Variants in SIK3 observed in about 807,000 individuals in gnomAD.
The protein encoded by SIK3 is SIK family kinase 3.
A neutral mutation model predicts 144.2 loss-of-function variants in SIK3; 28 were observed. The ratio of observed to expected loss-of-function variants is 0.19; its 90% confidence interval spans 0.14 to 0.27. The LOEUF (loss-of-function observed/expected upper bound fraction) is 0.27, where lower values mean the gene tolerates loss of function less well. Among genes scored for constraint, SIK3 ranks in the 10% least tolerant of loss-of-function variants. The pLI, the probability that SIK3 is intolerant of heterozygous loss-of-function variation, is 1.00. For missense variants in SIK3, 1,319 were observed against 1,776.0 expected (o/e 0.74, Z 4.62); for synonymous variants, 686 against 676.3 (o/e 1.01, Z -0.22).
At chr11:116,971,267 G>T (rs559165592) in intron 1 of SIK3, among the ~76,000 whole-genome samples, 4 of 152,248 alleles carry the variant, frequency 2.6e-5, no homozygotes, top group African/African-American at 7.2e-5. Context: ...GCAACAAGTA[G>T]GTCAAATTAA....
chr11:116,896,830 A>C (rs1945427779), intron 5 of SIK3, among the ~76,000 whole-genome samples: 1 of 152,156 alleles, frequency 6.6e-6, no homozygotes, highest in Admixed American at 6.5e-5. Context: ...GTTTGAGACC[A>C]GCCTGGCCAA....
At chr11:116,914,131 C>G (rs953778064) in intron 4 of SIK3, among the ~76,000 whole-genome samples, 7 of 150,480 alleles carry the variant, frequency 4.7e-5, no homozygotes, top group African/African-American at 1.7e-4. Context: ...CAAATGAGAG[C>G]AGACATCTGA....
chr11:117,028,636 GA>G (rs138648897), intron 1 of SIK3, among the ~76,000 whole-genome samples: 3 of 146,154 alleles, frequency 2.1e-5, no homozygotes, highest in South Asian at 2.2e-4. Flanking sequence ...GCATGTCAAG[GA>G]AAAAAAAAAC....
chr11:117,053,017 CCA>C (rs1477523965), intron 1 of SIK3, among the ~76,000 whole-genome samples: 1 of 152,104 alleles, frequency 6.6e-6, no homozygotes, highest in East Asian at 1.9e-4. Flanking sequence ...TTCAAAAAAG[CCA>C]CAGTCTATTG....
At chr11:117,003,436 T>C (rs986310464) in intron 1 of SIK3, among the ~76,000 whole-genome samples, 4 of 151,938 alleles carry the variant, frequency 2.6e-5, no homozygotes, top group African/African-American at 9.7e-5. Flanking sequence ...ATGAGGGTAA[T>C]AAAAGTATGA....
rs552528160 is a variant in SIK3, at chr11:116,873,668, T to A, written c.1582-32A>T. Reference sequence around the variant, plus strand: ...GGAACAGAGTGGGGAGGACGGACCATGAGATGAGGGGAAGGCGGGGAGAAA... The same window carrying A: ...GGAACAGAGTGGGGAGGACGGACCAAGAGATGAGGGGAAGGCGGGGAGAAA... On this transcript the variant is annotated intron_variant, in intron 12 of 24. Transcript: ENST00000445177. 5.3e-6 allele frequency: 8 copies of A among 1,523,656 alleles called. No homozygotes were observed. In the East Asian group the frequency reaches 1.6e-4, roughly 31 times the overall value. 94.4% of individuals were successfully genotyped at this position (1,523,656 alleles called of 1,614,324 possible). A position where few individuals can be genotyped will look rare whatever the true frequency, so the allele number is the denominator to read the frequency against.
At chr11:117,022,804 T>C (rs1668103836) in intron 1 of SIK3, among the ~76,000 whole-genome samples, 2 of 148,890 alleles carry the variant, frequency 1.3e-5, no homozygotes, top group South Asian at 4.3e-4. Flanking sequence ...TATCAGATTG[T>C]GGAGGGCAAG....
intron 1 of SIK3, among the ~76,000 whole-genome samples, chr11:116,978,036 G>A (rs890777359): frequency 2.0e-5 from 3 of 152,100 alleles, no homozygotes; most frequent in African/African-American, 4.8e-5. Context: ...GGCTAACACG[G>A]TGAAACCCCA....
intron 1 of SIK3, among the ~76,000 whole-genome samples, chr11:116,990,580 C>T (rs560856135): frequency 2.0e-5 from 3 of 152,286 alleles, no homozygotes; most frequent in Admixed American, 6.5e-5. Context: ...TAGGCCACTA[C>T]TCACTCGATC....
At position 116,857,795 on chromosome 11, in the gene SIK3, T is replaced by C. The variant is rs779960615; in HGVS notation, c.3655+15A>G. On this transcript the variant is annotated intron_variant, in intron 21 of 24. Coordinates refer to ENST00000445177, the MANE Select transcript of SIK3 (RefSeq NM_001366686.3). ...GCAGACTGGCCCAGGACTTCCACTG[T>C]GAGGAGACACTTACCTCTGCTGGGC... 3 of 1,613,264 alleles carry C rather than the reference T, an allele frequency of 1.9e-6. No individual in the cohort carries two copies. The highest frequency in any genetic ancestry group is 1.3e-5 in the African/African-American group (1 of 75,046).
At chr11:116,956,089 T>C (rs1177091588) in intron 2 of SIK3, among the ~76,000 whole-genome samples, 1 of 152,192 alleles carries the variant, frequency 6.6e-6, no homozygotes, top group Non-Finnish European at 1.5e-5. Context: ...ATGGCTGTTC[T>C]GGCAGAAAGC....
intron 1 of SIK3, among the ~76,000 whole-genome samples, chr11:117,040,640 G>A (rs888821593): frequency 2.0e-5 from 3 of 152,106 alleles, no homozygotes; most frequent in African/African-American, 7.2e-5. Context: ...AAAAGTAGAG[G>A]AGAACATTCC....
At chr11:116,889,351 G>A (rs1294726000) in intron 6 of SIK3, among the ~76,000 whole-genome samples, 1 of 152,050 alleles carries the variant, frequency 6.6e-6, no homozygotes, top group Non-Finnish European at 1.5e-5. Context: ...ATTGCTTGAG[G>A]CCAAGAGTTC....
At chr11:116,997,525 A>C (rs1023249888) in intron 1 of SIK3, among the ~76,000 whole-genome samples, 2 of 152,264 alleles carry the variant, frequency 1.3e-5, no homozygotes, top group Non-Finnish European at 2.9e-5. Context: ...AATTTGATAA[A>C]AGGAATAAAA....
chr11:116,909,228 G>A (rs1471934574), intron 4 of SIK3, among the ~76,000 whole-genome samples: 3 of 151,476 alleles, frequency 2.0e-5, no homozygotes, highest in Non-Finnish European at 4.4e-5. Flanking sequence ...TTTAAGGATG[G>A]ACCCACTACA....
intron 3 of SIK3, among the ~76,000 whole-genome samples, chr11:116,947,652 G>A (rs1320633660): frequency 4.0e-5 from 6 of 148,720 alleles, no homozygotes; most frequent in Non-Finnish European, 7.4e-5. Flanking sequence ...TGCAAGTTCC[G>A]CCTCCCAGGT....
chr11:116,864,370 G>A (rs570362211), intron 15 of SIK3: 1 of 152,522 alleles, frequency 6.6e-6, no homozygotes, highest in South Asian at 2.1e-4. Flanking sequence ...CTGATCCTGG[G>A]ATGGAGACAA....
At chr11:117,076,588 G>A (rs930467800) in intron 1 of SIK3, among the ~76,000 whole-genome samples, 1 of 151,478 alleles carries the variant, frequency 6.6e-6, no homozygotes, top group African/African-American at 2.4e-5. Flanking sequence ...GTGCAGTGGC[G>A]CGATCTTGGC....
chr11:116,904,536 T>C (rs1456881834), intron 4 of SIK3, among the ~76,000 whole-genome samples: 2 of 152,158 alleles, frequency 1.3e-5, no homozygotes, highest in African/African-American at 4.8e-5. Flanking sequence ...AACTTGATTA[T>C]GAATTTATTA....
Sources: allele counts gnomAD v4.1 joint callset (sites outside exome capture counted in the v4.1 genomes callset), GRCh38; gene constraint gnomAD v4.1.1; transcripts MANE v1.5; gene names NCBI Gene and HGNC (gene_info 2026-07-23, HGNC 2026-07-21).